The following ST13 variants were observed in gnomAD, a reference collection of about 807,000 sequenced individuals.
ST13 encodes the protein hsc70-interacting protein.
A neutral mutation model predicts 56.7 loss-of-function variants in ST13; 23 were observed. The ratio of observed to expected loss-of-function variants is 0.41; its 90% CI spans 0.29 to 0.57. The LOEUF (loss-of-function observed/expected upper bound fraction) is 0.57, where lower values mean the gene tolerates loss of function less well. Among genes scored for constraint, ST13 ranks in the 20% least tolerant of loss-of-function variants. The pLI, the probability that ST13 is intolerant of heterozygous loss-of-function variation, is 0.36. For missense variants in ST13, 369 were observed against 459.9 expected, an observed-to-expected ratio of 0.80 and a Z score of 1.81; for synonymous variants, 132 against 142.4, an observed-to-expected ratio of 0.93 and a Z score of 0.52.
At chr22:40,832,747 CA>C in intron 7 of ST13, 76 bp from the exon 8 acceptor site, 1 of 1,140,744 alleles carries the variant, frequency 8.8e-7, no homozygotes, top group Non-Finnish European at 1.3e-6. Flanking sequence ...TTCTTCCTTA[CA>C]AAAAAGGATT....
rs532598512 is a variant in ST13, at chr22:40,829,549, A to G, written c.847+77T>C. The G allele has an allele frequency of 1.2e-4, 79 of 671,672 alleles. 2 individuals carry two copies. The South Asian group carries it at 4.0e-3, about 34-fold the overall frequency. 41.6% of individuals were successfully genotyped at this position (671,672 alleles called of 1,614,324 possible). A position where few individuals can be genotyped will look rare whatever the true frequency, so the allele number is the denominator to read the frequency against. The stretch of plus-strand genomic sequence containing the variant: ...GAGAACAAAATCAGAATATCACTTT[A>G]TAATAAATATTAAGTATTATATTAA... On this transcript the variant is annotated intron_variant, in intron 10 of 11. Coordinates refer to ENST00000216218, the MANE Select transcript of ST13 (RefSeq NM_003932.5).
chr22:40,846,103 A>AT (rs1281752566), intron 3 of ST13, among the ~76,000 whole-genome samples: 4 of 151,972 alleles, frequency 2.6e-5, no homozygotes. Flanking sequence ...CACCTGGCTA[A>AT]TTTTGTATTT....
At chr22:40,844,803 C>A (rs745343729) in intron 4 of ST13, 36 bp downstream of exon 4, 2 of 1,562,094 alleles carry the variant, frequency 1.3e-6, no homozygotes, top group South Asian at 1.1e-5. Context: ...TTTCACATTT[C>A]TTAGAACAAG....
intron 1 of ST13, among the ~76,000 whole-genome samples, chr22:40,854,930 T>C (rs2057881459): frequency 6.6e-6 from 1 of 152,170 alleles, no homozygotes; most frequent in African/African-American, 2.4e-5. Flanking sequence ...CTTACCAATA[T>C]TCATAAAGTT....
intron 5 of ST13, 91 bp downstream of exon 5, chr22:40,840,535 T>C (rs1195435255): frequency 2.8e-5 from 31 of 1,110,796 alleles, no homozygotes; most frequent in Non-Finnish European, 3.9e-5. Context: ...ATAGGACAGG[T>C]ACATGTAACT....
At chr22:40,828,094 T>C (rs1190009496) in intron 10 of ST13, among the ~76,000 whole-genome samples, 1 of 152,206 alleles carries the variant, frequency 6.6e-6, no homozygotes, top group Non-Finnish European at 1.5e-5. Flanking sequence ...TTCATTTCCA[T>C]TTCAAATAAA....
intron 2 of ST13, among the ~76,000 whole-genome samples, chr22:40,849,551 A>G (rs1447828759): frequency 6.6e-6 from 1 of 151,816 alleles, no homozygotes; most frequent in Non-Finnish European, 1.5e-5. Flanking sequence ...TTGAGTCCCT[A>G]TAAAATGTGC....
rs775733249 is a variant in ST13 at position 40,830,962 on chromosome 22, A to G, written c.682-6T>C. ...TGTTCTGCAATTTTCTGTGCCTAGA[A>G]AAAAGAGCCATAGCAAAATAAGCTT... On this transcript the variant is annotated splice_polypyrimidine_tract_variant and splice_region_variant and intron_variant, in intron 8 of 11. Transcript: ENST00000216218. 1.3e-6 allele frequency: 2 copies of G among 1,584,150 alleles called. No homozygotes were observed. Among genetic ancestry groups the G allele is most frequent in the Non-Finnish European group, 8.6e-7 (1 of 1,165,946 alleles).
chr22:40,851,282 T>C (rs965882232), intron 1 of ST13, among the ~76,000 whole-genome samples: 2 of 152,354 alleles, frequency 1.3e-5, no homozygotes, highest in Non-Finnish European at 1.5e-5. Context: ...TCAATTAAAT[T>C]CAAATATGCA....
At chr22:40,828,797 TA>T (rs1568998277) in intron 10 of ST13, among the ~76,000 whole-genome samples, 1 of 152,128 alleles carries the variant, frequency 6.6e-6, no homozygotes, top group South Asian at 2.1e-4. Context: ...AAGGGGACCA[TA>T]AAACAACTTC....
intron 3 of ST13, among the ~76,000 whole-genome samples, chr22:40,846,900 C>T (rs2057834373): frequency 1.3e-5 from 2 of 152,008 alleles, no homozygotes. Flanking sequence ...GAGGCTGAGG[C>T]AGGAGACTCG....
chr22:40,830,933 C>T lies in ST13; in HGVS notation c.705G>A (p.Arg235=). The T allele has an allele frequency of 6.2e-7, 1 of 1,601,138 alleles. No homozygotes were observed. Among genetic ancestry groups the T allele is most frequent in the Non-Finnish European group, 8.5e-7 (1 of 1,179,216 alleles). The change falls in exon 9 of 12, where the codon CGG becomes CGA. Residue 235 remains arginine (R), a synonymous_variant. Transcript: ENST00000216218. ...CTTCACGTTTTCGCTCATACTTTCT[C>T]CGATGTTCTGCAATTTTCTGTGCCT... ...QPRAQKIAEH[R]RKYERKREER... is the part of the protein sequence containing the mutation.
At chr22:40,831,664 A>G (rs1238063797) in intron 8 of ST13, among the ~76,000 whole-genome samples, 1 of 152,214 alleles carries the variant, frequency 6.6e-6, no homozygotes, top group Non-Finnish European at 1.5e-5. Flanking sequence ...AAATAATTAA[A>G]TTCAATACAA....
At chr22:40,830,152 T>C (rs889427435) in intron 9 of ST13, among the ~76,000 whole-genome samples, 3 of 152,188 alleles carry the variant, frequency 2.0e-5, no homozygotes, top group Admixed American at 6.6e-5. Flanking sequence ...TTTAAAATTA[T>C]TGAGGAGATA....
chr22:40,854,137 T>C (rs929669656), intron 1 of ST13, among the ~76,000 whole-genome samples: 3 of 152,224 alleles, frequency 2.0e-5, no homozygotes, highest in Admixed American at 6.5e-5. Flanking sequence ...ACACATGTTT[T>C]CAACTTGAGT....
At chr22:40,843,740 T>C (rs1435510090) in intron 4 of ST13, among the ~76,000 whole-genome samples, 1 of 151,910 alleles carries the variant, frequency 6.6e-6, no homozygotes, top group South Asian at 2.1e-4. Flanking sequence ...ATTATTAGCA[T>C]CCAGAATATT....
At chr22:40,836,325 C>A (rs998076435) in intron 5 of ST13, among the ~76,000 whole-genome samples, 2 of 152,194 alleles carry the variant, frequency 1.3e-5, no homozygotes, top group African/African-American at 4.8e-5. Flanking sequence ...GGGGCGGAGC[C>A]CTGTAGTCCC....
intron 4 of ST13, among the ~76,000 whole-genome samples, chr22:40,841,761 C>CTT (rs35486587): frequency 2.0e-4 from 30 of 146,866 alleles, no homozygotes; most frequent in South Asian, 6.5e-4. Flanking sequence ...AAATGTTTTG[C>CTT]TTTTTTTTTT....
rs1569000490 is a variant in ST13, at chr22:40,835,794, A to G, written c.467+9T>C. ...TGCCAGGGGATGCTTTTCTGTTTAG[A>G]GTTCTCACCTGGCCCTCTTGGCATA... On this transcript the variant is annotated intron_variant, in intron 6 of 11. Transcript: ENST00000216218. 5.0e-6 allele frequency: 8 copies of G among 1,613,354 alleles called. No homozygotes were observed. The highest frequency in any genetic ancestry group is 6.8e-6 in the Non-Finnish European group (8 of 1,179,412).
Sources: allele counts gnomAD v4.1 joint callset (sites outside exome capture counted in the v4.1 genomes callset), GRCh38; gene constraint gnomAD v4.1.1; transcripts MANE v1.5; gene names NCBI Gene and HGNC (gene_info 2026-07-23, HGNC 2026-07-21).